PRKN: variants seen among roughly 807,000 people sequenced by gnomAD.
The protein encoded by PRKN is parkin RBR E3 ubiquitin protein ligase.
A neutral mutation model predicts 59.5 loss-of-function variants in PRKN; 56 were observed. The observed-to-expected ratio is 0.94, with a 90% confidence interval of 0.76 to 1.18. The LOEUF (loss-of-function observed/expected upper bound fraction) is 1.18, where lower values mean the gene tolerates loss of function less well. PRKN is among the 50% of genes most tolerant of loss of function. PRKN has a pLI of 0.00. For missense variants in PRKN, 657 were observed against 596.4 expected, an observed-to-expected ratio of 1.10 and a Z score of -1.06; for synonymous variants, 250 against 222.1, an observed-to-expected ratio of 1.13 and a Z score of -1.12.
intron 2 of PRKN, among the ~76,000 whole-genome samples, chr6:162,386,325 A>C (rs1389279510): frequency 6.6e-6 from 1 of 152,190 alleles, no homozygotes; most frequent in African/African-American, 2.4e-5. Flanking sequence ...AAAACATATA[A>C]TTTTATGTCA....
At chr6:161,422,812 T>G (rs1197817759) in intron 9 of PRKN, among the ~76,000 whole-genome samples, 1 of 152,136 alleles carries the variant, frequency 6.6e-6, no homozygotes, top group Non-Finnish European at 1.5e-5. Flanking sequence ...TCAAAGCTAC[T>G]TCTTCTAGGC....
chr6:161,913,625 A>G (rs897173082), intron 6 of PRKN, among the ~76,000 whole-genome samples: 3 of 152,224 alleles, frequency 2.0e-5, no homozygotes, highest in Non-Finnish European at 4.4e-5. Flanking sequence ...CAAAAAACCT[A>G]CTATGTCTAT....
intron 4 of PRKN, among the ~76,000 whole-genome samples, chr6:162,102,826 G>C (rs867288000): frequency 4.1e-5 from 6 of 145,036 alleles, no homozygotes; most frequent in African/African-American, 1.7e-4. Context: ...GGCGGATCAC[G>C]AGGTCAGGAG....
rs994148254 is a variant in PRKN, at chr6:161,739,794, C to T, written c.871+45978G>A. 3.3e-5 allele frequency among the ~76,000 whole-genome samples: 5 copies of T among 151,868 alleles called. No homozygotes were observed. In the East Asian group the frequency reaches 9.7e-4, roughly 30 times the overall value. On this transcript the variant is annotated intron_variant, in intron 7 of 11. Transcript: ENST00000366898. The stretch of plus-strand genomic sequence containing the variant: ...TTTTGAGACGGAGTCTTGCTCTGTC[C>T]TGCAGGCTGGAGTGCAGTGGCACGA...
intron 7 of PRKN, among the ~76,000 whole-genome samples, chr6:161,643,999 G>C (rs1001461762): frequency 6.6e-6 from 1 of 152,044 alleles, no homozygotes; most frequent in African/African-American, 2.4e-5. Context: ...ATCAATGCCA[G>C]AGGAGCAAGT....
chr6:161,643,980 C>G (rs1437153735), intron 7 of PRKN, among the ~76,000 whole-genome samples: 3 of 150,512 alleles, frequency 2.0e-5, no homozygotes, highest in South Asian at 2.1e-4. Flanking sequence ...GTGGGGGGGG[C>G]CACAGTTCAT....
At chr6:162,333,049 G>C (rs946158333) in intron 2 of PRKN, among the ~76,000 whole-genome samples, 1 of 152,026 alleles carries the variant, frequency 6.6e-6, no homozygotes, top group African/African-American at 2.4e-5. Flanking sequence ...ATAATATTAA[G>C]GGGACTTTAT....
chr6:161,722,980 G>A (rs1787286565), intron 7 of PRKN, among the ~76,000 whole-genome samples: 2 of 152,018 alleles, frequency 1.3e-5, no homozygotes, highest in South Asian at 4.2e-4. Flanking sequence ...GTTAAACAGT[G>A]CACGCTGGCT....
At chr6:162,354,947 T>A (rs1784784626) in intron 2 of PRKN, among the ~76,000 whole-genome samples, 1 of 151,962 alleles carries the variant, frequency 6.6e-6, no homozygotes, top group East Asian at 1.9e-4. Context: ...CACAATTTAC[T>A]TTTCCTCAGT....
In PRKN at chr6:161,502,064, G is replaced by A. The variant is rs113519930; in HGVS notation, c.1083+46790C>T. On this transcript the variant is annotated intron_variant, in intron 9 of 11. Transcript: ENST00000366898. The surrounding 1 kb of genome is among the most constrained non-coding windows in gnomAD (Gnocchi z 4.0). ...AATACCTGGATCACTGAATCATCTG[G>A]GCATAAAAGCTTTTTTATGAGTTGT... Among the ~76,000 whole-genome samples the A allele has an allele frequency of 6.6e-6, 1 of 152,114 alleles. No individual in the cohort carries two copies. Among genetic ancestry groups the A allele is most frequent in the African/African-American group, 2.4e-5 (1 of 41,418 alleles).
chr6:161,766,387 A>G (rs1371503290), intron 7 of PRKN, among the ~76,000 whole-genome samples: 4 of 149,440 alleles, frequency 2.7e-5, no homozygotes, highest in Non-Finnish European at 4.4e-5. Flanking sequence ...GGCTCACTGC[A>G]ACCTCCACCT....
chr6:161,992,619 C>T (rs1381953812), intron 5 of PRKN, among the ~76,000 whole-genome samples: 2 of 152,152 alleles, frequency 1.3e-5, no homozygotes, highest in African/African-American at 4.8e-5. Context: ...CAGACTTCTA[C>T]AGAACATATT....
chr6:161,743,047 A>C (rs1788253519), intron 7 of PRKN, among the ~76,000 whole-genome samples: 1 of 152,144 alleles, frequency 6.6e-6, no homozygotes, highest in African/African-American at 2.4e-5. Context: ...CATTGCCTTC[A>C]TAATAAAACT....
intron 1 of PRKN, among the ~76,000 whole-genome samples, chr6:162,616,769 G>T (rs1444988684): frequency 6.6e-6 from 1 of 152,146 alleles, no homozygotes; most frequent in Non-Finnish European, 1.5e-5. Context: ...TATACATTAT[G>T]TAACAGTACT....
intron 2 of PRKN, among the ~76,000 whole-genome samples, chr6:162,409,270 T>C (rs1003058911): frequency 1.3e-5 from 2 of 151,998 alleles, no homozygotes; most frequent in African/African-American, 4.8e-5. Context: ...GCTTCTGCGA[T>C]CCTCCTGCCT....
At chr6:162,624,500 G>A (rs1413487437) in intron 1 of PRKN, 1 of 152,180 alleles carries the variant, frequency 6.6e-6, no homozygotes, top group African/African-American at 2.4e-5. Flanking sequence ...AGTTCAAATA[G>A]AAATCACATC....
At chr6:162,384,996 A>C (rs1043866408) in intron 2 of PRKN, among the ~76,000 whole-genome samples, 1 of 152,160 alleles carries the variant, frequency 6.6e-6, no homozygotes, top group Admixed American at 6.5e-5. Context: ...ATATCACAGT[A>C]AAGTCATGAC....
intron 2 of PRKN, among the ~76,000 whole-genome samples, chr6:162,439,447 T>C (rs1233638182): frequency 1.3e-5 from 2 of 151,904 alleles, no homozygotes; most frequent in African/African-American, 4.8e-5. Flanking sequence ...TGCCAGCTTC[T>C]TCAGTTCCAC....
chr6:161,630,799 T>C (rs1183271254), intron 7 of PRKN, among the ~76,000 whole-genome samples: 1 of 152,108 alleles, frequency 6.6e-6, no homozygotes, highest in Non-Finnish European at 1.5e-5. Flanking sequence ...AGACACGTGG[T>C]TCTCTGCCAG....
Sources: gnomAD v4.1 joint callset for allele counts (sites outside exome capture counted in the v4.1 genomes callset) on GRCh38, gnomAD v4.1.1 for gene constraint, Gnocchi (gnomAD v3.1) non-coding constraint, MANE v1.5 for transcripts, NCBI Gene and HGNC (gene_info 2026-07-23, HGNC 2026-07-21) for gene names.